LARGE1: variants seen among roughly 807,000 people sequenced by gnomAD.
LARGE1 encodes the protein xylosyl- and glucuronyltransferase LARGE1.
LARGE1 carries 43 observed loss-of-function variants against 87.6 expected under a neutral mutation model. The ratio of observed to expected loss-of-function variants is 0.49; its 90% CI spans 0.38 to 0.63. The LOEUF is 0.63. Among genes scored for constraint, LARGE1 ranks in the 30% least tolerant of loss-of-function variants. The pLI, the probability that LARGE1 is intolerant of heterozygous loss-of-function variation, is 0.00. For missense variants in LARGE1, 802 were observed against 1,000.2 expected (o/e 0.80, Z 2.67); for synonymous variants, 434 against 394.6 (o/e 1.10, Z -1.18).
intron 7 of LARGE1, among the ~76,000 whole-genome samples, chr22:33,397,951 G>A (rs1337147702): frequency 6.6e-6 from 1 of 152,068 alleles, no homozygotes; most frequent in Non-Finnish European, 1.5e-5. Flanking sequence ...CCTCTTTTGG[G>A]AACTGCCTGT....
At chr22:33,155,350 T>C in the LARGE1 span, among the ~76,000 whole-genome samples, 2 of 152,120 alleles carry the variant, frequency 1.3e-5, no homozygotes, top group Non-Finnish European at 2.9e-5. Context: ...TTGACCAAAA[T>C]GCTGATAATG....
intron 1 of LARGE1, among the ~76,000 whole-genome samples, chr22:33,842,276 C>A (rs186361142): frequency 1.8e-4 from 27 of 152,266 alleles, no homozygotes; most frequent in Non-Finnish European, 3.4e-4. Context: ...ATGACACTTA[C>A]TATTCAGCTA....
At chr22:33,848,008 C>T (rs2063482313) in intron 1 of LARGE1, among the ~76,000 whole-genome samples, 1 of 152,168 alleles carries the variant, frequency 6.6e-6, no homozygotes, top group African/African-American at 2.4e-5. Flanking sequence ...GTCTGAGGGA[C>T]CCCAAAATGA....
chr22:33,443,487 C>A (rs551747908), intron 6 of LARGE1, among the ~76,000 whole-genome samples: 2 of 152,278 alleles, frequency 1.3e-5, no homozygotes, highest in Admixed American at 1.3e-4. Flanking sequence ...CCCTCTGGTG[C>A]CCACTGGGAT....
the LARGE1 span, among the ~76,000 whole-genome samples, chr22:33,084,277 A>G: frequency 1.3e-5 from 2 of 152,218 alleles, no homozygotes; most frequent in Admixed American, 6.5e-5. Flanking sequence ...ATAATGTTTT[A>G]TGATTGGCTG....
At chr22:33,282,169 A>G (rs557970938) in intron 13 of LARGE1, among the ~76,000 whole-genome samples, 1 of 151,956 alleles carries the variant, frequency 6.6e-6, no homozygotes, top group Non-Finnish European at 1.5e-5. Context: ...ATATGGAGAA[A>G]CCCCGTCTCT....
At chr22:33,909,327 A>T (rs1418883811) in intron 1 of LARGE1, among the ~76,000 whole-genome samples, 2 of 152,082 alleles carry the variant, frequency 1.3e-5, no homozygotes, top group Non-Finnish European at 2.9e-5. Context: ...CGGCCCTTAG[A>T]ACTTCATATA....
intron 1 of LARGE1, among the ~76,000 whole-genome samples, chr22:33,889,925 G>C (rs978293297): frequency 6.6e-6 from 1 of 152,248 alleles, no homozygotes; most frequent in Non-Finnish European, 1.5e-5. Flanking sequence ...TCATGGGATA[G>C]ACAGATGAGG....
the LARGE1 span, among the ~76,000 whole-genome samples, chr22:33,099,086 C>T: frequency 6.6e-6 from 1 of 152,118 alleles, no homozygotes; most frequent in African/African-American, 2.4e-5. Flanking sequence ...TTTCTCTCCT[C>T]TTAATCTAGT....
At chr22:33,540,541 C>A (rs2077163329) in intron 6 of LARGE1, among the ~76,000 whole-genome samples, 1 of 152,192 alleles carries the variant, frequency 6.6e-6, no homozygotes, top group Non-Finnish European at 1.5e-5. Flanking sequence ...CAAACAGTAC[C>A]CTGCCCCACT....
chr22:33,686,427 C>T (rs772636260), intron 2 of LARGE1, among the ~76,000 whole-genome samples: 1 of 151,664 alleles, frequency 6.6e-6, no homozygotes, highest in Admixed American at 6.6e-5. Context: ...CCTGTAATCC[C>T]AGCTACTGGG....
intron 7 of LARGE1, among the ~76,000 whole-genome samples, chr22:33,420,324 G>C (rs2066646795): frequency 6.6e-6 from 1 of 152,158 alleles, no homozygotes; most frequent in Non-Finnish European, 1.5e-5. Context: ...TATGGCCATA[G>C]ACAGCAGTGA....
rs200819807 is a variant in LARGE1 at position 33,277,266 on chromosome 22, C to A, written c.1878-11G>T. On this transcript the variant is annotated splice_polypyrimidine_tract_variant and intron_variant, in intron 13 of 14. Transcript: ENST00000397394. The stretch of plus-strand genomic sequence containing the variant: ...GTCCAGACGTGGTACCTGAGACACA[C>A]GGAGAAAAGCCATTGGGTGTAGGGA... The A allele has an allele frequency of 2.1e-4, 337 of 1,613,608 alleles. 5 individuals are homozygous for A. In the East Asian group the frequency reaches 4.4e-3, roughly 21 times the overall value.
intron 6 of LARGE1, among the ~76,000 whole-genome samples, chr22:33,481,792 C>T (rs1302321550): frequency 6.6e-6 from 1 of 152,144 alleles, no homozygotes; most frequent in Non-Finnish European, 1.5e-5. Flanking sequence ...CAGAGGTTGA[C>T]AGATGATGTA....
At chr22:33,866,554 T>C (rs1375402096) in intron 1 of LARGE1, among the ~76,000 whole-genome samples, 1 of 152,188 alleles carries the variant, frequency 6.6e-6, no homozygotes, top group African/African-American at 2.4e-5. Flanking sequence ...TTGGGTGAGT[T>C]ACTTCACCTC....
intron 7 of LARGE1, among the ~76,000 whole-genome samples, chr22:33,417,281 T>C (rs1453317529): frequency 6.6e-6 from 1 of 152,170 alleles, no homozygotes; most frequent in Non-Finnish European, 1.5e-5. Flanking sequence ...GCCTACTAAA[T>C]GGGCAGCCGG....
intron 11 of LARGE1, among the ~76,000 whole-genome samples, chr22:33,315,452 C>T (rs1569045973): frequency 6.6e-6 from 1 of 152,230 alleles, no homozygotes; most frequent in South Asian, 2.1e-4. Context: ...GCTTTCCAGC[C>T]GCAATTGTAG....
At chr22:33,350,540 G>C (rs2267193) in intron 9 of LARGE1, among the ~76,000 whole-genome samples, 31,609 of 152,128 alleles carry the variant, frequency 0.21, 4,100 homozygotes, top group East Asian at 0.45. Context: ...CCTTAGCTGA[G>C]GAATTTGACC....
At chr22:33,412,243 C>G (rs1240160367) in intron 7 of LARGE1, among the ~76,000 whole-genome samples, 1 of 152,058 alleles carries the variant, frequency 6.6e-6, no homozygotes, top group Non-Finnish European at 1.5e-5. Flanking sequence ...AAGATCGCAC[C>G]ATTGCACTCT....
Sources: allele counts gnomAD v4.1 joint callset (sites outside exome capture counted in the v4.1 genomes callset), GRCh38; gene constraint gnomAD v4.1.1; transcripts MANE v1.5; gene names NCBI Gene and HGNC (gene_info 2026-07-23, HGNC 2026-07-21).